Variants in POLR3A observed in about 807,000 individuals in gnomAD.
The protein encoded by POLR3A is RNA polymerase III subunit A, also known as DNA-directed RNA polymerase III subunit RPC1.
POLR3A carries 112 observed loss-of-function variants against 152.8 expected under a neutral mutation model. The observed-to-expected ratio is 0.73, with a 90% CI of 0.63 to 0.86. The LOEUF (loss-of-function observed/expected upper bound fraction) is 0.86, where lower values mean the gene tolerates loss of function less well. Ranked by LOEUF, POLR3A falls within the 40% of genes least tolerant of loss-of-function variation. The pLI, the probability that POLR3A is intolerant of heterozygous loss-of-function variation, is 0.00. For synonymous variants in POLR3A, 615 were observed against 652.1 expected (o/e 0.94, Z 0.87); for missense variants, 1,385 against 1,743.1 (o/e 0.79, Z 3.66).
At chr10:77,980,490 A>C (rs1847130663) in intron 29 of POLR3A, among the ~76,000 whole-genome samples, 1 of 152,034 alleles carries the variant, frequency 6.6e-6, no homozygotes, top group Non-Finnish European at 1.5e-5. Context: ...AGACGCCATC[A>C]GAACAAAGAA....
At chr10:77,986,024 G>A (rs1329426682) in intron 22 of POLR3A, 39 bp from the exon 23 acceptor site, 10 of 1,602,190 alleles carry the variant, frequency 6.2e-6, no homozygotes, top group Admixed American at 5.0e-5. Flanking sequence ...TAGGGCCAGC[G>A]GCAACTACAA....
intron 8 of POLR3A, chr10:78,019,631 G>A (rs962146855): frequency 1.9e-5 from 6 of 318,874 alleles, no homozygotes; most frequent in South Asian, 1.8e-4. Flanking sequence ...AGGTTTAAAA[G>A]TTGTGACACC....
At chr10:78,010,092 G>A (rs118067920) in intron 12 of POLR3A, 101 bp from the exon 13 acceptor site, 322 of 1,453,666 alleles carry the variant, frequency 2.2e-4, no homozygotes, top group Non-Finnish European at 2.8e-4. Flanking sequence ...GACCAACAGC[G>A]TGAATTGAAA....
In POLR3A at chr10:78,025,736, T is replaced by C. The variant is rs1161124098; in HGVS notation, c.204A>G (p.Pro68=). ...CCAAGTTTTTCCCACAGGTTTCACA[T>C]GGACGATCCTTCTCACTCGTACCCT... ...HRMGTSEKDR[P]CETCGKNLAD... Residue 68 remains proline, a synonymous_variant, in exon 3 of 31, where the codon CCA becomes CCG. Transcript: ENST00000372371. 6 of 1,614,134 alleles carry C rather than the reference T, an allele frequency of 3.7e-6. No homozygotes were observed. The highest frequency in any genetic ancestry group is 1.1e-5 in the South Asian group (1 of 91,078).
At position 78,001,031 on chromosome 10, in the gene POLR3A, C is replaced by G. The variant is rs374831450; in HGVS notation, c.2423G>C (p.Arg808Pro). ...CCTGTTTTCAAAGCCGTCTGGCACT[C>G]GAGAGCCACTGATGGCCTGCTGTCC... is the stretch of plus-strand genomic sequence containing the variant. ...CVGQQAISGS[R>P]VPDGFENRSL... is the part of the protein sequence containing the mutation. The change falls in exon 18 of 31, where the codon CGA becomes CCA. Residue 808 changes from arginine (R) to proline (P), a missense_variant. Coordinates refer to ENST00000372371, the MANE Select transcript of POLR3A (RefSeq NM_007055.4). The G allele has an allele frequency of 6.2e-7, 1 of 1,612,396 alleles. No homozygotes were observed. Among genetic ancestry groups the G allele is most frequent in the Admixed American group, 1.7e-5 (1 of 59,964 alleles).
chr10:78,029,252 G>A (rs1349193635), intron 1 of POLR3A, 112 bp downstream of exon 1: 3 of 1,062,342 alleles, frequency 2.8e-6, no homozygotes, highest in Admixed American at 1.7e-5. Flanking sequence ...ATGGACTACT[G>A]GCCCTCCCCT....
chr10:77,979,445 C>A (rs1005717290), intron 30 of POLR3A, among the ~76,000 whole-genome samples: 2 of 152,224 alleles, frequency 1.3e-5, no homozygotes, highest in Non-Finnish European at 2.9e-5. Flanking sequence ...TCGAGCAAAG[C>A]TCAGCAGTCA....
chr10:77,994,394 T>G (rs1297762764), intron 19 of POLR3A, among the ~76,000 whole-genome samples: 1 of 152,082 alleles, frequency 6.6e-6, no homozygotes, highest in Non-Finnish European at 1.5e-5. Context: ...AGGGCCATGC[T>G]TCCATAGTAG....
At position 78,026,095 on chromosome 10, in the gene POLR3A, A is replaced by T; in HGVS notation, c.179T>A (p.Met60Lys). 2 of 1,614,078 alleles carry T rather than the reference A, an allele frequency of 1.2e-6. No homozygotes were observed. Among genetic ancestry groups the T allele is most frequent in the Non-Finnish European group, 1.7e-6 (2 of 1,179,970 alleles). The change falls in exon 2 of 31, where the codon ATG becomes AAG. Residue 60 changes from methionine to lysine, a missense_variant and splice_region_variant. Met to Lys is a moderately conservative substitution (Grantham distance 95). Coordinates refer to ENST00000372371, the MANE Select transcript of POLR3A (RefSeq NM_007055.4). ...CCAGGAGGGGTGAGGGGGCCTTACC[A>T]TCCTATGGTCGAGCACCCCATATAG... ...PLLYGVLDHR[M>K]GTSEKDRPCE...
chr10:78,013,429 C>T, intron 11 of POLR3A: 1 of 572,230 alleles, frequency 1.7e-6, no homozygotes, highest in South Asian at 2.0e-5. Context: ...CTGTTACAGA[C>T]CCTAACTCTC....
chr10:78,029,289 G>A, intron 1 of POLR3A, 75 bp downstream of exon 1: 1 of 1,491,690 alleles, frequency 6.7e-7, no homozygotes. Flanking sequence ...CTCTGACCCT[G>A]CAAGACCCGG....
Position 77,977,546 on chromosome 10 carries a change from C to T in POLR3A, c.4105G>A (p.Asp1369Asn). The change falls in exon 31 of 31, where the codon GAC becomes AAC. Residue 1369 changes from aspartate (D) to asparagine (N), a missense_variant. By Grantham distance (23) the Asp-to-Asn change is conservative. This residue lies in a region of POLR3A where 332 missense variants were observed against 400.1 expected (regional missense o/e 0.83). Transcript: ENST00000372371. ...AGGGGCCTCTTGGGAGGGTTCGGGT[C>T]CCTGTCAGCCTTGTGAAGCAGCTTG... Reference protein sequence around the residue: ...LFKLLHKADRDPNPPKRPLIF... With the variant: ...LFKLLHKADRNPNPPKRPLIF... The T allele has an allele frequency of 6.2e-7, 1 of 1,613,980 alleles. No homozygotes were observed. Among genetic ancestry groups the T allele is most frequent in the Non-Finnish European group, 8.5e-7 (1 of 1,179,940 alleles).
chr10:77,983,323 TG>T (rs766926538), intron 26 of POLR3A, among the ~76,000 whole-genome samples: 18 of 152,210 alleles, frequency 1.2e-4, no homozygotes, highest in Admixed American at 2.0e-4. Context: ...GGGTAACATA[TG>T]AACTTGATGC....
At chr10:78,009,226 C>G (rs1195327094) in intron 14 of POLR3A, among the ~76,000 whole-genome samples, 1 of 151,204 alleles carries the variant, frequency 6.6e-6, no homozygotes, top group African/African-American at 2.4e-5. Flanking sequence ...CCCCCCGCCG[C>G]CAAAAAGATG....
intron 15 of POLR3A, among the ~76,000 whole-genome samples, chr10:78,005,250 ACTT>A (rs748702170): frequency 1.3e-5 from 2 of 152,216 alleles, no homozygotes; most frequent in Non-Finnish European, 2.9e-5. Flanking sequence ...TAATCCCAGC[ACTT>A]TGGAAGGCTG....
chr10:78,005,720 G>A (rs1245047428), intron 15 of POLR3A, among the ~76,000 whole-genome samples: 1 of 152,226 alleles, frequency 6.6e-6, no homozygotes, highest in Non-Finnish European at 1.5e-5. Context: ...GAAGGCTCCA[G>A]GCCCTTATTC....
chr10:78,024,858 C>T (rs1009885939), intron 4 of POLR3A, 113 bp downstream of exon 4: 5 of 1,432,518 alleles, frequency 3.5e-6, no homozygotes, highest in Admixed American at 1.7e-5. Flanking sequence ...GGCTCTTAAG[C>T]CTAATTTATA....
chr10:78,002,441 A>G (rs1847366526), intron 16 of POLR3A, 133 bp from the exon 17 acceptor site: 2 of 723,054 alleles, frequency 2.8e-6, no homozygotes, highest in Non-Finnish European at 2.5e-6. Context: ...TAAATGTTTC[A>G]GAACCTTAGA....
At chr10:78,000,906 G>T in intron 18 of POLR3A, 70 bp downstream of exon 18, 1 of 831,482 alleles carries the variant, frequency 1.2e-6, no homozygotes, top group Non-Finnish European at 2.1e-6. Flanking sequence ...ATCTGAATAG[G>T]TCTGTGTTCC....
Sources: allele counts gnomAD v4.1 joint callset (sites outside exome capture counted in the v4.1 genomes callset), GRCh38; gene constraint gnomAD v4.1.1; regional missense constraint gnomAD v4.1.1; transcripts MANE v1.5; gene names NCBI Gene and HGNC (gene_info 2026-07-23, HGNC 2026-07-21).